The following SCFD2 variants were observed in gnomAD, a reference collection of about 807,000 sequenced individuals.
The protein encoded by SCFD2 is sec1 family domain containing 2.
A neutral mutation model predicts 58.9 loss-of-function variants in SCFD2; 54 were observed. The observed-to-expected ratio is 0.92, with a 90% confidence interval of 0.74 to 1.15. The LOEUF (loss-of-function observed/expected upper bound fraction) is 1.15. Ranked by LOEUF, SCFD2 falls within the 50% of genes most tolerant of loss-of-function variation. SCFD2 has a pLI of 0.00. For missense variants in SCFD2, 805 were observed against 836.6 expected (o/e 0.96, Z 0.47); for synonymous variants, 321 against 335.9 (o/e 0.96, Z 0.49).
intron 4 of SCFD2, among the ~76,000 whole-genome samples, chr4:53,181,453 C>A (rs1727551452): frequency 6.6e-6 from 1 of 152,196 alleles, no homozygotes; most frequent in Non-Finnish European, 1.5e-5. Flanking sequence ...CAAAATTCAA[C>A]AACCCTTCAG....
rs1457389314 is a variant in SCFD2, at chr4:52,923,515, A to AATAAATAAATAG, written c.1562-2646_1562-2645insCTATTTATTTAT. ...AAATAAATAAATAAATAAATAAATA[A>AATAAATAAATAG]ATGTGTGGTCAAGCTCAGTGAGAAA... On this transcript the variant is annotated intron_variant, in intron 5 of 8. Coordinates refer to ENST00000401642, the MANE Select transcript of SCFD2 (RefSeq NM_152540.4). 1.5e-3 allele frequency among the ~76,000 whole-genome samples: 221 copies of AATAAATAAATAG among 150,312 alleles called. 1 individual carries two copies. Among genetic ancestry groups the AATAAATAAATAG allele is most frequent in the African/African-American group, 5.0e-3 (199 of 40,136 alleles).
At chr4:53,235,605 G>A (rs538557828) in intron 4 of SCFD2, among the ~76,000 whole-genome samples, 1 of 152,310 alleles carries the variant, frequency 6.6e-6, no homozygotes, top group African/African-American at 2.4e-5. Context: ...GCTATTCAGG[G>A]AAGTCCTCCT....
At chr4:53,270,795 A>G (rs1270424218) in intron 4 of SCFD2, among the ~76,000 whole-genome samples, 1 of 152,250 alleles carries the variant, frequency 6.6e-6, no homozygotes, top group African/African-American at 2.4e-5. Flanking sequence ...ATAAAAGCAT[A>G]AAACTGAACA....
chr4:53,129,080 C>T (rs1213578101), intron 5 of SCFD2, among the ~76,000 whole-genome samples: 1 of 152,210 alleles, frequency 6.6e-6, no homozygotes, highest in African/African-American at 2.4e-5. Flanking sequence ...AATTAAAACT[C>T]TAAAGCATTT....
At chr4:53,245,355 TCAA>T (rs981646756) in intron 4 of SCFD2, among the ~76,000 whole-genome samples, 4 of 152,098 alleles carry the variant, frequency 2.6e-5, no homozygotes, top group African/African-American at 9.7e-5. Flanking sequence ...GCAAAAATCC[TCAA>T]CAAAACGCTA....
At chr4:53,331,509 C>A (rs985769617) in intron 2 of SCFD2, among the ~76,000 whole-genome samples, 1 of 152,046 alleles carries the variant, frequency 6.6e-6, no homozygotes, top group African/African-American at 2.4e-5. Context: ...GGATACATAA[C>A]GAAATGAAGG....
intron 4 of SCFD2, among the ~76,000 whole-genome samples, chr4:53,253,170 A>G (rs1361497866): frequency 6.6e-6 from 1 of 152,260 alleles, no homozygotes; most frequent in Admixed American, 6.5e-5. Context: ...AGAGAAATGC[A>G]AATCAAAACC....
At chr4:53,143,965 G>T (rs1408971707) in intron 5 of SCFD2, among the ~76,000 whole-genome samples, 2 of 151,926 alleles carry the variant, frequency 1.3e-5, no homozygotes, top group Non-Finnish European at 2.9e-5. Flanking sequence ...TATAAATAAT[G>T]AATTTGATAC....
intron 4 of SCFD2, among the ~76,000 whole-genome samples, chr4:53,203,520 C>CA (rs377027496): frequency 0.031 from 4,675 of 151,210 alleles, 94 homozygotes; most frequent in Middle Eastern, 0.054. Flanking sequence ...AAAAGAAAAA[C>CA]AAAAAAAAGT....
intron 7 of SCFD2, among the ~76,000 whole-genome samples, chr4:52,896,191 C>T (rs1423173493): frequency 1.3e-5 from 2 of 152,112 alleles, no homozygotes; most frequent in Non-Finnish European, 2.9e-5. Context: ...TCAATTTTGG[C>T]TTTTGTTGCC....
intron 5 of SCFD2, among the ~76,000 whole-genome samples, chr4:52,959,825 G>A (rs1419974346): frequency 6.6e-6 from 1 of 151,734 alleles, no homozygotes; most frequent in Non-Finnish European, 1.5e-5. Context: ...TGAGGAAAGG[G>A]TCACTGGATC....
chr4:53,078,765 T>C lies in SCFD2; in HGVS notation c.1561+66568A>G, dbSNP rs371582094. Reference sequence around the variant, plus strand: ...CCATGTGATCTGATTCCAATATCCATGGTCTTATCCACAATGCTGTATTTA... The same window carrying C: ...CCATGTGATCTGATTCCAATATCCACGGTCTTATCCACAATGCTGTATTTA... On this transcript the variant is annotated intron_variant, in intron 5 of 8. Coordinates refer to ENST00000401642, the MANE Select transcript of SCFD2 (RefSeq NM_152540.4). Among the ~76,000 whole-genome samples the C allele has an allele frequency of 1.4e-4, 21 of 152,266 alleles. 1 individual carries two copies. The highest frequency in any genetic ancestry group is 1.2e-3 in the East Asian group (6 of 5,178).
At chr4:53,301,164 G>C (rs1295423205) in intron 3 of SCFD2, among the ~76,000 whole-genome samples, 2 of 152,058 alleles carry the variant, frequency 1.3e-5, no homozygotes, top group African/African-American at 4.8e-5. Context: ...TCCAGGAGCT[G>C]GTTTTTTGAA....
intron 1 of SCFD2, among the ~76,000 whole-genome samples, chr4:53,354,102 C>T (rs746097193): frequency 1.3e-5 from 2 of 152,258 alleles, no homozygotes; most frequent in African/African-American, 4.8e-5. Flanking sequence ...GCCCTTGGGC[C>T]GTCGATGGGA....
intron 4 of SCFD2, among the ~76,000 whole-genome samples, chr4:53,220,947 T>C (rs1037816259): frequency 6.6e-6 from 1 of 152,252 alleles, no homozygotes; most frequent in African/African-American, 2.4e-5. Context: ...TGGGAGAAAT[T>C]AATCTCACCT....
intron 5 of SCFD2, among the ~76,000 whole-genome samples, chr4:53,005,333 C>A (rs925200230): frequency 6.6e-6 from 1 of 152,196 alleles, no homozygotes; most frequent in Non-Finnish European, 1.5e-5. Context: ...CAGTAACCCA[C>A]CACTGCTGAT....
At chr4:53,187,300 G>C (rs1168251351) in intron 4 of SCFD2, among the ~76,000 whole-genome samples, 1 of 152,084 alleles carries the variant, frequency 6.6e-6, no homozygotes, top group Admixed American at 6.6e-5. Context: ...GGACAGCATA[G>C]AGAGTCTTGT....
rs1732759025 is a variant in SCFD2, at chr4:53,313,642, T to A, written c.1129A>T (p.Ser377Cys). ...ASRENLPIKM[S>C]MGRVTPGQLM... The stretch of plus-strand genomic sequence containing the variant: ...GTCCTAGGTTTAGGCTTACCCATAC[T>A]CATCTTGATTGGCAGGTTTTCTCTG... The change falls in exon 3 of 9, where the codon AGT becomes TGT. Residue 377 changes from serine (S) to cysteine (C), a missense_variant. By Grantham distance (112) the Ser-to-Cys change is moderately radical. This residue lies in a region of SCFD2 where 633 missense variants were observed against 646.8 expected (regional missense o/e 0.98). Transcript: ENST00000401642. The A allele has an allele frequency of 1.9e-6, 3 of 1,613,844 alleles. No homozygotes were observed. The highest frequency in any genetic ancestry group is 2.5e-6 in the Non-Finnish European group (3 of 1,179,864).
chr4:53,057,452 C>G lies in SCFD2; in HGVS notation c.1561+87881G>C, dbSNP rs185906799. Among the ~76,000 whole-genome samples, 105 of 152,196 alleles carry G rather than the reference C, an allele frequency of 6.9e-4. No individual in the cohort carries two copies. In the Middle Eastern group the frequency reaches 0.014, roughly 20 times the overall value. ...CATCCTCAGCAAACTAACACAGGAACAGAAAATCAAACACTGCATGTTCTC... is the reference window on the plus strand; with the variant it reads ...CATCCTCAGCAAACTAACACAGGAAGAGAAAATCAAACACTGCATGTTCTC... On this transcript the variant is annotated intron_variant, in intron 5 of 8. Transcript: ENST00000401642.
Sources: allele counts gnomAD v4.1 joint callset (sites outside exome capture counted in the v4.1 genomes callset), GRCh38; gene constraint gnomAD v4.1.1; regional missense constraint gnomAD v4.1.1; transcripts MANE v1.5; gene names NCBI Gene and HGNC (gene_info 2026-07-23, HGNC 2026-07-21).